The following RFC3 variants were observed in gnomAD, a reference collection of about 807,000 sequenced individuals.
RFC3 encodes A1 38 kDa subunit.
Under a neutral mutation model 45.1 loss-of-function variants are expected in RFC3, and 41 were observed. The ratio of observed to expected loss-of-function variants is 0.91; its 90% confidence interval spans 0.71 to 1.18. The LOEUF (loss-of-function observed/expected upper bound fraction) is 1.18, where lower values mean the gene tolerates loss of function less well. Among genes scored for constraint, RFC3 ranks in the 50% most tolerant of loss-of-function variants. The probability of loss-of-function intolerance (pLI) is 0.00; values close to 1 mark genes in which losing one functional copy is unlikely to be tolerated. For synonymous variants in RFC3, 149 were observed against 144.0 expected (o/e 1.03, Z -0.25); for missense variants, 423 against 428.1 (o/e 0.99, Z 0.10).
chr13:33,896,095 A>C (rs1327745862), intron 8 of RFC3, among the ~76,000 whole-genome samples: 1 of 151,880 alleles, frequency 6.6e-6, no homozygotes, highest in Non-Finnish European at 1.5e-5. Context: ...TTAATCTCTA[A>C]CTTCGCCACT....
chr13:33,918,322 TCGCTACAGTA>T (rs1169186838), intron 8 of RFC3, among the ~76,000 whole-genome samples: 1 of 152,122 alleles, frequency 6.6e-6, no homozygotes, highest in Non-Finnish European at 1.5e-5. Flanking sequence ...TGGAGTACCT[TCGCTACAGTA>T]CCAGTCCTGA....
In RFC3 at chr13:33,944,962, G is replaced by T. The variant is rs1478078981; in HGVS notation, c.880-21125G>T. On this transcript the variant is annotated intron_variant, in intron 8 of 8. Transcript: ENST00000434425. ...CAAAATCATTGTCATAGAGCCAAAG[G>T]GCTCCCAGGCATAACACATTTTTGT... 2.0e-5 allele frequency among the ~76,000 whole-genome samples: 3 copies of T among 152,038 alleles called. No homozygotes were observed. The East Asian group carries it at 5.8e-4, about 29-fold the overall frequency.
intron 8 of RFC3, among the ~76,000 whole-genome samples, chr13:33,866,435 A>G (rs1019437939): frequency 3.9e-5 from 6 of 152,234 alleles, no homozygotes; most frequent in South Asian, 4.1e-4. Flanking sequence ...ATAATTGATC[A>G]TGAGTTCTTT....
At chr13:33,843,205 G>GTTTT (rs60617562) in intron 8 of RFC3, among the ~76,000 whole-genome samples, 13 of 148,424 alleles carry the variant, frequency 8.8e-5, no homozygotes, top group African/African-American at 3.2e-4. Context: ...ATTTGCTCCT[G>GTTTT]TTTTTTTTTT....
At chr13:33,925,131 T>TATATAGTGTACTATATACAC (rs1566030557) in intron 8 of RFC3, among the ~76,000 whole-genome samples, 36 of 143,676 alleles carry the variant, frequency 2.5e-4, no homozygotes, top group African/African-American at 9.6e-4. Flanking sequence ...CATATATACA[T>TATATAGTGTACTATATACAC]GCATATATAG....
In RFC3 at chr13:33,829,941, A is replaced by G; in HGVS notation, c.497A>G (p.Asn166Ser). The G allele has an allele frequency of 1.9e-6, 3 of 1,614,124 alleles. No individual in the cohort carries two copies. Among genetic ancestry groups the G allele is most frequent in the South Asian group, 1.1e-5 (1 of 91,080 alleles). Residue 166 changes from asparagine (N) to serine (S), a missense_variant, in exon 5 of 9, where the codon AAT (asparagine) becomes AGT (serine). Physicochemically the swap from Asn to Ser is conservative, Grantham distance 46. Coordinates refer to ENST00000380071, the MANE Select transcript of RFC3 (RefSeq NM_002915.4). Reference sequence around the variant, plus strand: ...ACCTGCAGATTGATCTTGTGCTGCAATTCTACATCTAAAGTGATCCCACCT... The same window carrying G: ...ACCTGCAGATTGATCTTGTGCTGCAGTTCTACATCTAAAGTGATCCCACCT... The part of the protein sequence containing the change: ...MSTCRLILCC[N>S]STSKVIPPIR...
intron 8 of RFC3, among the ~76,000 whole-genome samples, chr13:33,904,999 T>C (rs1398409372): frequency 6.6e-6 from 1 of 152,168 alleles, no homozygotes; most frequent in African/African-American, 2.4e-5. Context: ...GCAGCAATTA[T>C]CTTTGGTGGA....
At chr13:33,842,989 A>C (rs17079996) in intron 8 of RFC3, among the ~76,000 whole-genome samples, 4,523 of 152,262 alleles carry the variant, frequency 0.03, 132 homozygotes, top group African/African-American at 0.069. Flanking sequence ...GCTGTTTTAC[A>C]CTCTGAGATT....
intron 8 of RFC3, among the ~76,000 whole-genome samples, chr13:33,917,220 A>G (rs7989072): frequency 0.99 from 151,251 of 152,286 alleles, 75,117 homozygotes; most frequent in Middle Eastern, 1. Flanking sequence ...TTCACAGAAT[A>G]CAAGTGTAGC....
At chr13:33,930,474 A>G (rs1320705313) in intron 8 of RFC3, among the ~76,000 whole-genome samples, 8 of 152,104 alleles carry the variant, frequency 5.3e-5, no homozygotes, top group Non-Finnish European at 8.8e-5. Flanking sequence ...TGCTCTCTCC[A>G]ACTTCTTCTG....
chr13:33,919,735 A>G (rs2082755885), intron 8 of RFC3, among the ~76,000 whole-genome samples: 1 of 152,146 alleles, frequency 6.6e-6, no homozygotes, highest in African/African-American at 2.4e-5. Flanking sequence ...TCAAAATTAT[A>G]TTGAAGAGTC....
At chr13:33,942,301 A>G (rs1450203256) in intron 8 of RFC3, among the ~76,000 whole-genome samples, 1 of 152,014 alleles carries the variant, frequency 6.6e-6, no homozygotes, top group Non-Finnish European at 1.5e-5. Flanking sequence ...GACTGAAGGT[A>G]TTATTTTATT....
downstream of RFC3, among the ~76,000 whole-genome samples, chr13:33,970,098 C>A (rs924268237): frequency 1.3e-5 from 2 of 152,058 alleles, no homozygotes; most frequent in Non-Finnish European, 2.9e-5. Context: ...ACCCTCCACC[C>A]TCCAACAGAC....
exon 9 of RFC3, chr13:33,966,420 A>C (rs2083088126): frequency 2.4e-6 from 1 of 423,548 alleles, no homozygotes; most frequent in Admixed American, 3.6e-5. Context: ...AAATTTGATG[A>C]ATGGGGACCA....
At chr13:33,966,192 A>G (rs963216179) in exon 9 of RFC3, 10 of 1,219,774 alleles carry the variant, frequency 8.2e-6, no homozygotes, top group East Asian at 2.3e-5. Flanking sequence ...AAGTTTTGCA[A>G]ATATAATCCA....
intron 8 of RFC3, among the ~76,000 whole-genome samples, chr13:33,892,755 G>A (rs927622791): frequency 2.0e-5 from 3 of 152,086 alleles, no homozygotes; most frequent in African/African-American, 7.2e-5. Context: ...CAAATAGACA[G>A]CACCAAGATT....
At chr13:33,969,507 CAT>C (rs761482305), downstream of RFC3, among the ~76,000 whole-genome samples, 16 of 152,310 alleles carry the variant, frequency 1.1e-4, no homozygotes, top group South Asian at 4.1e-4. Flanking sequence ...CTTTAGGACA[CAT>C]GTGTGACTAT....
intron 8 of RFC3, among the ~76,000 whole-genome samples, chr13:33,904,862 A>G (rs1313106495): frequency 2.6e-5 from 4 of 152,140 alleles, no homozygotes; most frequent in Non-Finnish European, 4.4e-5. Context: ...ATGCTGGCCT[A>G]AACAGCTGGT....
chr13:33,842,882 A>C (rs1028952842), intron 8 of RFC3, among the ~76,000 whole-genome samples: 2 of 152,212 alleles, frequency 1.3e-5, no homozygotes, highest in Non-Finnish European at 2.9e-5. Context: ...CCATTCTTTA[A>C]AAATCTATGA....
Sources: gnomAD v4.1 joint callset for allele counts (sites outside exome capture counted in the v4.1 genomes callset) on GRCh38, gnomAD v4.1.1 for gene constraint, MANE v1.5 for transcripts, NCBI Gene and HGNC (gene_info 2026-07-23, HGNC 2026-07-21) for gene names.